The following AMPD3 variants were observed in gnomAD, a reference collection of about 807,000 sequenced individuals.
The protein encoded by AMPD3 is AMP deaminase 3.
In AMPD3, 57 loss-of-function variants were observed where a neutral mutation model predicts 82.3. That is an observed-to-expected ratio of 0.69 (90% CI 0.56 to 0.86). The LOEUF is 0.86. Among genes scored for constraint, AMPD3 ranks in the 40% least tolerant of loss-of-function variants. The probability of loss-of-function intolerance (pLI) is 0.00; values close to 1 mark genes in which losing one functional copy is unlikely to be tolerated. For synonymous variants in AMPD3, 381 were observed against 394.7 expected (o/e 0.97, Z 0.41); for missense variants, 870 against 1,003.8 (o/e 0.87, Z 1.80).
At chr11:10,505,526 T>A (rs1442696059) in intron 14 of AMPD3, 182 bp from the exon 15 acceptor site, 1 of 985,198 alleles carries the variant, frequency 1.0e-6, no homozygotes, top group African/African-American at 1.7e-5. Flanking sequence ...CAGGGTGACA[T>A]CCTTGAGGAC....
At chr11:10,455,825 AG>A (rs1453726769) in intron 1 of AMPD3, 1 of 862,210 alleles carries the variant, frequency 1.2e-6, no homozygotes, top group Non-Finnish European at 1.4e-6. Context: ...GGGCTGCTTT[AG>A]GGGGGCTTTC....
chr11:10,452,004 T>G (rs1348245744), upstream of AMPD3, among the ~76,000 whole-genome samples: 4 of 152,156 alleles, frequency 2.6e-5, no homozygotes, highest in African/African-American at 9.7e-5. Flanking sequence ...GGGGCCTGGC[T>G]TGCTCTGAGG....
intron 10 of AMPD3, chr11:10,499,720 T>TG: frequency 1.0e-6 from 1 of 985,134 alleles, no homozygotes. Context: ...CTGATGGCAA[T>TG]GGCCACTCCT....
chr11:10,455,044 A>G (rs1326341839), upstream of AMPD3: 4 of 604,782 alleles, frequency 6.6e-6, no homozygotes, highest in Non-Finnish European at 2.1e-6. Flanking sequence ...ATGTGAGCTC[A>G]GTAAGACACA....
At chr11:10,489,617 G>C (rs973295101) in intron 6 of AMPD3, among the ~76,000 whole-genome samples, 1 of 152,012 alleles carries the variant, frequency 6.6e-6, no homozygotes, top group Non-Finnish European at 1.5e-5. Flanking sequence ...AAACATGGGC[G>C]CAGGTCTGCT....
chr11:10,456,623 T>C lies in AMPD3; in HGVS notation c.-6+1175T>C. The C allele has an allele frequency of 1.0e-6, 1 of 985,140 alleles. No homozygotes were observed. Among genetic ancestry groups the C allele is most frequent in the Non-Finnish European group, 1.2e-6 (1 of 829,636 alleles). The allele number at this position is 985,140 out of a possible 1,614,324, so 61.0% of individuals were successfully genotyped here. On this transcript the variant is annotated intron_variant, in intron 1 of 14. Transcript: ENST00000396553. The surrounding 1 kb of genome is among the most constrained non-coding windows in gnomAD (Gnocchi z 4.3). ...TGTTGCATGTAACAGTGAGATAAGC[T>C]GTATCATTGGCTGACTGATGCTGGT... is the stretch of plus-strand genomic sequence containing the variant.
chr11:10,457,260 G>A (rs1161308954), intron 1 of AMPD3, among the ~76,000 whole-genome samples: 16 of 152,134 alleles, frequency 1.1e-4, no homozygotes, highest in Admixed American at 7.9e-4. Flanking sequence ...TTATAGGCAT[G>A]AGCCACTGCA....
intron 2 of AMPD3, among the ~76,000 whole-genome samples, chr11:10,471,262 G>A (rs1848581327): frequency 6.6e-6 from 1 of 151,182 alleles, no homozygotes; most frequent in African/African-American, 2.4e-5. Flanking sequence ...CTAGCCATAT[G>A]CAAAAAACTG....
intron 14 of AMPD3, chr11:10,505,498 G>A: frequency 1.0e-6 from 1 of 962,262 alleles, no homozygotes; most frequent in Non-Finnish European, 1.2e-6. Flanking sequence ...AGGGCTGTCT[G>A]AGGATGACTG....
At chr11:10,465,759 C>T (rs1848400394) in intron 2 of AMPD3, among the ~76,000 whole-genome samples, 1 of 152,128 alleles carries the variant, frequency 6.6e-6, no homozygotes, top group Non-Finnish European at 1.5e-5. Flanking sequence ...CCACCAGGGC[C>T]CTGGGTTTCA....
At chr11:10,450,511 G>A (rs2133794856), upstream of AMPD3, 1 of 986,122 alleles carries the variant, frequency 1.0e-6, no homozygotes, top group Non-Finnish European at 1.2e-6. Flanking sequence ...AGGGGAGGAC[G>A]TCGGGCAAGC....
At chr11:10,451,005 C>T (rs1847946898), upstream of AMPD3, 3 of 1,578,324 alleles carry the variant, frequency 1.9e-6, no homozygotes, top group Non-Finnish European at 2.6e-6. Flanking sequence ...CTGCGGCCGT[C>T]CCTTTCGGCC....
rs1446560493 is a variant in AMPD3, at chr11:10,478,571, A to G, written c.267A>G (p.Gln89=). The part of the protein sequence containing the change: ...KMIRSQSLSL[Q]MPPQQDWKGP... ...TTCGGTCCCAGTCCCTGTCTCTGCAAATGCCGCCACAGCAAGATTGGAAGG... is the reference window on the plus strand; with the variant it reads ...TTCGGTCCCAGTCCCTGTCTCTGCAGATGCCGCCACAGCAAGATTGGAAGG... The change falls in exon 3 of 15, where the codon CAA becomes CAG. Residue 89 remains glutamine, a synonymous_variant. Coordinates refer to ENST00000396553, the MANE Select transcript of AMPD3 (RefSeq NM_001025389.2). The G allele has an allele frequency of 1.2e-6, 2 of 1,614,168 alleles. No individual in the cohort carries two copies. Among genetic ancestry groups the G allele is most frequent in the Admixed American group, 3.3e-5 (2 of 60,024 alleles).
rs1258614134 is a variant in AMPD3, at chr11:10,494,911, T to C, written c.1147T>C (p.Phe383Leu). 1.2e-6 allele frequency: 2 copies of C among 1,614,120 alleles called. No individual in the cohort carries two copies. The highest frequency in any genetic ancestry group is 2.2e-5 in the South Asian group (2 of 91,082). Residue 383 changes from phenylalanine (F) to leucine (L), a missense_variant, in exon 8 of 15, where the codon TTC (phenylalanine) becomes CTC (leucine). Coordinates refer to ENST00000396553, the MANE Select transcript of AMPD3 (RefSeq NM_001025389.2). ...TCTCCCCCCTCAGGGCCGGCAGACATTCCACCGCTTTGACAAGTTCAACTC... is the reference window on the plus strand; with the variant it reads ...TCTCCCCCCTCAGGGCCGGCAGACACTCCACCGCTTTGACAAGTTCAACTC... ...SLDVHAGRQT[F>L]HRFDKFNSKY...
rs527816368 is a variant in AMPD3 at position 10,497,801 on chromosome 11, C to T, written c.1557+863C>T. The T allele has an allele frequency of 6.8e-4, 674 of 985,362 alleles. 1 individual carries two copies. The highest frequency in any genetic ancestry group is 2.4e-3 in the South Asian group (52 of 21,286). 61.0% of individuals were successfully genotyped at this position (985,362 alleles called of 1,614,324 possible). ...CTTGACCCAGCGGAAATAGCTCACA[C>T]TCGTGCGTGCTTCTGCCTGGCCTGG... is the stretch of plus-strand genomic sequence containing the variant. On this transcript the variant is annotated intron_variant, in intron 10 of 14. Coordinates refer to ENST00000396553, the MANE Select transcript of AMPD3 (RefSeq NM_001025389.2).
intron 8 of AMPD3, 71 bp from the exon 9 acceptor site, chr11:10,495,499 G>A (rs1351784981): frequency 1.9e-6 from 3 of 1,610,262 alleles, no homozygotes; most frequent in Non-Finnish European, 2.5e-6. Flanking sequence ...GGACCCTGCT[G>A]GTGACGGAGA....
At chr11:10,497,642 C>T in intron 10 of AMPD3, 1 of 985,310 alleles carries the variant, frequency 1.0e-6, no homozygotes, top group Non-Finnish European at 1.2e-6. Context: ...ACTGGACAAG[C>T]TGAGGGACAT....
At chr11:10,463,659 G>A (rs930400251) in intron 2 of AMPD3, among the ~76,000 whole-genome samples, 5 of 152,256 alleles carry the variant, frequency 3.3e-5, no homozygotes, top group African/African-American at 1.2e-4. Flanking sequence ...CACTGGGCCT[G>A]ACATCTGCTG....
Position 10,461,564 on chromosome 11 carries a change from G to A in AMPD3, c.45G>A (p.Glu15=), listed in dbSNP as rs529947316. The A allele has an allele frequency of 3.1e-6, 5 of 1,614,242 alleles. No individual in the cohort carries two copies. Among genetic ancestry groups the A allele is most frequent in the South Asian group, 2.2e-5 (2 of 91,088 alleles). ...FPKLNISEVD[E]QVRLLAEKVF... ...AGCTGAACATCTCTGAAGTGGATGA[G>A]CAAGTCCGGCTCCTGGCGGAGAAGG... The change falls in exon 2 of 15, where the codon GAG becomes GAA. Residue 15 remains glutamate, a synonymous_variant. Coordinates refer to ENST00000396553, the MANE Select transcript of AMPD3 (RefSeq NM_001025389.2).
Sources: allele counts gnomAD v4.1 joint callset (sites outside exome capture counted in the v4.1 genomes callset), GRCh38; gene constraint gnomAD v4.1.1; non-coding constraint Gnocchi (gnomAD v3.1); transcripts MANE v1.5; gene names NCBI Gene and HGNC (gene_info 2026-07-23, HGNC 2026-07-21).